THRB: variants seen among roughly 807,000 people sequenced by gnomAD.
THRB encodes thyroid hormone receptor beta.
Under a neutral mutation model 47.8 loss-of-function variants are expected in THRB, and 12 were observed. The ratio of observed to expected loss-of-function variants is 0.25; its 90% CI spans 0.16 to 0.41. THRB has a LOEUF of 0.41. THRB is among the 10% of genes least tolerant of loss of function. The pLI, the probability that THRB is intolerant of heterozygous loss-of-function variation, is 1.00. For missense variants in THRB, 348 were observed against 589.2 expected, an observed-to-expected ratio of 0.59 and a Z score of 4.24; for synonymous variants, 218 against 212.2, an observed-to-expected ratio of 1.03 and a Z score of -0.24.
At chr3:24,271,225 A>G (rs991308003) in intron 3 of THRB, among the ~76,000 whole-genome samples, 9 of 152,232 alleles carry the variant, frequency 5.9e-5, no homozygotes, top group African/African-American at 2.2e-4. Context: ...ATTTGTTTTT[A>G]AACCAGAGCA....
chr3:24,257,774 A>C (rs1207137647), intron 3 of THRB, among the ~76,000 whole-genome samples: 3 of 152,236 alleles, frequency 2.0e-5, no homozygotes, highest in African/African-American at 7.2e-5. Flanking sequence ...CACACAAACA[A>C]AACAAGTGAA....
rs142397490 is a variant in THRB at position 24,379,714 on chromosome 3, C to T, written c.-260-42343G>A. Reference sequence around the variant, plus strand: ...GTTTTATAAAAGTGATGCGTGACACCTAAGCTTCATCTACAACTCTACAAG... The same window carrying T: ...GTTTTATAAAAGTGATGCGTGACACTTAAGCTTCATCTACAACTCTACAAG... On this transcript the variant is annotated intron_variant, in intron 1 of 10. Coordinates refer to ENST00000646209, the MANE Select transcript of THRB (RefSeq NM_001354712.2). Among the ~76,000 whole-genome samples, 326 of 152,170 alleles carry T rather than the reference C, an allele frequency of 2.1e-3. 2 individuals carry two copies. Among genetic ancestry groups the T allele is most frequent in the Non-Finnish European group, 3.5e-3 (235 of 67,998 alleles).
chr3:24,472,670 G>T (rs1279343073), intron 1 of THRB, among the ~76,000 whole-genome samples: 1 of 152,204 alleles, frequency 6.6e-6, no homozygotes, highest in Non-Finnish European at 1.5e-5. Context: ...CTGAGGACCT[G>T]ATAGTCACTT....
chr3:24,195,386 G>C (rs903702946), intron 4 of THRB, among the ~76,000 whole-genome samples: 1 of 152,150 alleles, frequency 6.6e-6, no homozygotes, highest in Non-Finnish European at 1.5e-5. Flanking sequence ...TTGATGAGTA[G>C]TAATTGACCT....
chr3:24,128,873 T>G (rs2033370269), intron 9 of THRB, among the ~76,000 whole-genome samples: 1 of 85,646 alleles, frequency 1.2e-5, no homozygotes, highest in Non-Finnish European at 2.1e-5. Flanking sequence ...CTTTTTTTTT[T>G]TTTTTTTTTT....
chr3:24,225,337 G>A (rs1227710791), intron 4 of THRB, among the ~76,000 whole-genome samples: 2 of 152,100 alleles, frequency 1.3e-5, no homozygotes, highest in African/African-American at 2.4e-5. Flanking sequence ...ATAATGCCTT[G>A]ATAAAGAAAA....
At chr3:24,297,179 A>G (rs1340758387) in intron 3 of THRB, 47 bp downstream of exon 3, 1 of 152,194 alleles carries the variant, frequency 6.6e-6, no homozygotes, top group African/African-American at 2.4e-5. Context: ...TTTCCATCAA[A>G]ACAACCATTT....
chr3:24,345,339 G>A (rs2062943809), intron 1 of THRB, among the ~76,000 whole-genome samples: 1 of 152,044 alleles, frequency 6.6e-6, no homozygotes, highest in African/African-American at 2.4e-5. Flanking sequence ...GCATGGCAGG[G>A]AAACCACTAT....
intron 5 of THRB, among the ~76,000 whole-genome samples, chr3:24,186,383 T>C (rs890413191): frequency 2.6e-5 from 4 of 151,384 alleles, no homozygotes; most frequent in African/African-American, 7.3e-5. Context: ...GGCTGAGCAA[T>C]TGGTTCAAAT....
chr3:24,165,778 C>A (rs896218329), intron 5 of THRB, among the ~76,000 whole-genome samples: 1 of 152,138 alleles, frequency 6.6e-6, no homozygotes, highest in African/African-American at 2.4e-5. Context: ...TTTTTAACCC[C>A]TTTCAACATG....
intron 10 of THRB, among the ~76,000 whole-genome samples, chr3:24,126,929 A>C (rs184956896): frequency 1.3e-5 from 2 of 152,300 alleles, no homozygotes; most frequent in African/African-American, 4.8e-5. Flanking sequence ...TCAACAGCCA[A>C]GTAAGAAGTC....
At chr3:24,357,797 C>T (rs538275123) in intron 1 of THRB, among the ~76,000 whole-genome samples, 23 of 152,220 alleles carry the variant, frequency 1.5e-4, no homozygotes, top group Admixed American at 9.2e-4. Flanking sequence ...TTATAAACTA[C>T]GCTGTACTGG....
intron 3 of THRB, among the ~76,000 whole-genome samples, chr3:24,280,340 A>G (rs2054427215): frequency 6.6e-6 from 1 of 152,164 alleles, no homozygotes; most frequent in Admixed American, 6.5e-5. Context: ...GACACCTCAC[A>G]TGGCCAGGTA....
At chr3:24,211,343 T>C (rs548816862) in intron 4 of THRB, among the ~76,000 whole-genome samples, 2 of 152,360 alleles carry the variant, frequency 1.3e-5, no homozygotes, top group African/African-American at 4.8e-5. Flanking sequence ...GCACCTGGTA[T>C]TGATCACAAT....
chr3:24,294,385 G>C (rs766086442), intron 3 of THRB, among the ~76,000 whole-genome samples: 119 of 152,282 alleles, frequency 7.8e-4, no homozygotes, highest in Middle Eastern at 3.4e-3. Flanking sequence ...CTAAGTTTTA[G>C]AGTGATTTGT....
At chr3:24,406,368 T>C (rs1000663141) in intron 1 of THRB, among the ~76,000 whole-genome samples, 2 of 151,834 alleles carry the variant, frequency 1.3e-5, no homozygotes, top group Non-Finnish European at 2.9e-5. Flanking sequence ...TCAAGTACTT[T>C]GGTCACCTAT....
intron 1 of THRB, among the ~76,000 whole-genome samples, chr3:24,420,365 C>T (rs1444759352): frequency 1.3e-5 from 2 of 151,850 alleles, no homozygotes. Context: ...GTGGGATTAT[C>T]TCTGGAATGA....
At chr3:24,126,123 T>G (rs1360448294) in intron 10 of THRB, among the ~76,000 whole-genome samples, 1 of 152,338 alleles carries the variant, frequency 6.6e-6, no homozygotes, top group Non-Finnish European at 1.5e-5. Flanking sequence ...CCAGGCGTGG[T>G]GGCTCATGCC....
At chr3:24,379,538 T>G (rs1256893226) in intron 1 of THRB, among the ~76,000 whole-genome samples, 1 of 152,098 alleles carries the variant, frequency 6.6e-6, no homozygotes, top group Non-Finnish European at 1.5e-5. Context: ...TCTGAGCCAC[T>G]TTCCCCCTTT....
Sources: gnomAD v4.1 joint callset for allele counts (sites outside exome capture counted in the v4.1 genomes callset) on GRCh38, gnomAD v4.1.1 for gene constraint, MANE v1.5 for transcripts, NCBI Gene and HGNC (gene_info 2026-07-23, HGNC 2026-07-21) for gene names.